Variants in DENND1B observed in about 807,000 individuals in gnomAD.
DENND1B encodes the protein DENN domain containing 1B, also known as DENN domain-containing protein 1B.
In DENND1B, 59 loss-of-function variants were observed where a neutral mutation model predicts 90.1. The ratio of observed to expected loss-of-function variants is 0.65; its 90% CI spans 0.53 to 0.81. DENND1B has a LOEUF of 0.81. DENND1B is among the 40% of genes least tolerant of loss of function. The pLI, the probability that DENND1B is intolerant of heterozygous loss-of-function variation, is 0.00. For synonymous variants in DENND1B, 337 were observed against 324.6 expected, an observed-to-expected ratio of 1.04 and a Z score of -0.41; for missense variants, 862 against 912.6, an observed-to-expected ratio of 0.94 and a Z score of 0.71.
At chr1:197,546,960 A>G (rs1383286463) in intron 16 of DENND1B, among the ~76,000 whole-genome samples, 187 bp from the exon 17 acceptor site, 2 of 152,230 alleles carry the variant, frequency 1.3e-5, no homozygotes, top group East Asian at 1.9e-4. Flanking sequence ...AATTTAGTCA[A>G]TAAGATGATA....
At chr1:197,545,404 C>CAA (rs35127449) in intron 18 of DENND1B, among the ~76,000 whole-genome samples, 2 of 135,966 alleles carry the variant, frequency 1.5e-5, no homozygotes, top group Non-Finnish European at 3.2e-5. Context: ...GACTTCGTCT[C>CAA]AAAAAAAAAA....
intron 2 of DENND1B, among the ~76,000 whole-genome samples, chr1:197,760,661 T>A (rs953021070): frequency 1.1e-4 from 16 of 146,452 alleles, no homozygotes; most frequent in Non-Finnish European, 1.8e-4. Context: ...AAAAAAAAAA[T>A]TACCCACAGA....
At chr1:197,655,611 A>C (rs1653729739) in intron 6 of DENND1B, among the ~76,000 whole-genome samples, 1 of 151,200 alleles carries the variant, frequency 6.6e-6, no homozygotes, top group African/African-American at 2.4e-5. Flanking sequence ...CGCTCACTGC[A>C]AGCTCCGCCT....
rs1415683612 is a variant in DENND1B, at chr1:197,570,426, C to T, written c.1149+12726G>A. ...CAATAACAATATAGTTATCCAAGGC[C>T]CACCAGAGACTTTCGAAATAAATTT... On this transcript the variant is annotated intron_variant, in intron 15 of 22. Coordinates refer to ENST00000620048, the MANE Select transcript of DENND1B (RefSeq NM_001195215.2). Among the ~76,000 whole-genome samples, 4 of 152,012 alleles carry T rather than the reference C, an allele frequency of 2.6e-5. 1 individual carries two copies. The highest frequency in any genetic ancestry group is 6.6e-5 in the Admixed American group (1 of 15,264).
chr1:197,539,830 C>T, intron 20 of DENND1B, 134 bp downstream of exon 20: 1 of 684,142 alleles, frequency 1.5e-6, no homozygotes, highest in Non-Finnish European at 2.5e-6. Context: ...GTTCCACTAA[C>T]TCCTCCCCTT....
rs74349820 is a variant in DENND1B at position 197,750,612 on chromosome 1, A to AG, written c.82+22255_82+22256insC. 4.0e-5 allele frequency among the ~76,000 whole-genome samples: 6 copies of AG among 151,798 alleles called. No homozygotes were observed. The East Asian group carries it at 5.8e-4, about 15-fold the overall frequency. Reference sequence around the variant, plus strand: ...TAGATAGATAGATAGATAGATAGATAAAGATATAGACATAGTTTAGACATA... The same window carrying AG: ...TAGATAGATAGATAGATAGATAGATAGAAGATATAGACATAGTTTAGACATA... On this transcript the variant is annotated intron_variant, in intron 2 of 22. Coordinates refer to ENST00000620048, the MANE Select transcript of DENND1B (RefSeq NM_001195215.2).
chr1:197,646,145 G>A (rs955162345), intron 8 of DENND1B, among the ~76,000 whole-genome samples: 10 of 151,766 alleles, frequency 6.6e-5, no homozygotes, highest in African/African-American at 2.4e-4. Context: ...ACATTTAGTT[G>A]AGGTGGACTG....
chr1:197,599,241 G>C lies in DENND1B; in HGVS notation c.922-3908C>G, dbSNP rs192923474. On this transcript the variant is annotated intron_variant, in intron 13 of 22. Coordinates refer to ENST00000620048, the MANE Select transcript of DENND1B (RefSeq NM_001195215.2). Reference sequence around the variant, plus strand: ...AAGCCAGGAAGGCAGAGCATAAAAGGGGGTTGAGTTTTTCTGAGAAGTAAC... The same window carrying C: ...AAGCCAGGAAGGCAGAGCATAAAAGCGGGTTGAGTTTTTCTGAGAAGTAAC... Among the ~76,000 whole-genome samples, 107 of 151,850 alleles carry C rather than the reference G, an allele frequency of 7.0e-4. 1 individual carries two copies. In the East Asian group the frequency reaches 0.01, roughly 15 times the overall value.
chr1:197,633,195 C>T (rs571095046), intron 10 of DENND1B, among the ~76,000 whole-genome samples: 1 of 152,142 alleles, frequency 6.6e-6, no homozygotes, highest in South Asian at 2.1e-4. Context: ...GTGAGAATGT[C>T]TACATTTGTA....
intron 15 of DENND1B, among the ~76,000 whole-genome samples, chr1:197,576,291 T>C (rs1395067017): frequency 6.6e-6 from 1 of 152,018 alleles, no homozygotes; most frequent in Non-Finnish European, 1.5e-5. Context: ...TACATTAGAA[T>C]AGGAAATTGG....
chr1:197,510,824 C>A lies in DENND1B; in HGVS notation c.1964G>T (p.Gly655Val), dbSNP rs1253926417. The change falls in exon 23 of 23, where the codon GGT (glycine) becomes GTT (valine). Residue 655 changes from glycine to valine, a missense_variant. Physicochemically the swap from Gly to Val is moderately radical, Grantham distance 109. Transcript: ENST00000620048. ...CAGGATAAACAGAGAATCTGTCAAA[C>A]CACTAGAGGAAACCCGCTTCCTAGG... Reference protein sequence around the residue: ...PSPRKRVSSSGLTDSLFILKE... With the variant: ...PSPRKRVSSSVLTDSLFILKE... 2.0e-5 allele frequency: 33 copies of A among 1,612,218 alleles called. No homozygotes were observed. The East Asian group carries it at 7.1e-4, about 35-fold the overall frequency.
At chr1:197,644,121 G>C (rs79878022) in intron 9 of DENND1B, among the ~76,000 whole-genome samples, 1 of 152,100 alleles carries the variant, frequency 6.6e-6, no homozygotes, top group Non-Finnish European at 1.5e-5. Flanking sequence ...GGTTTATTTC[G>C]TGCTTTCTCA....
chr1:197,556,555 C>T (rs886636692), intron 15 of DENND1B, among the ~76,000 whole-genome samples: 1 of 151,820 alleles, frequency 6.6e-6, no homozygotes, highest in Non-Finnish European at 1.5e-5. Context: ...CATACATTAC[C>T]CATTTTCACA....
chr1:197,507,627 C>G lies in DENND1B; in HGVS notation c.*2833G>C, dbSNP rs1223763874. 1 of 151,554 alleles carries G rather than the reference C, an allele frequency of 6.6e-6. No individual in the cohort carries two copies. The highest frequency in any genetic ancestry group is 6.6e-5 in the Admixed American group (1 of 15,172). The allele number at this position is 151,554 out of a possible 1,614,324, so 9.4% of individuals were successfully genotyped here. On this transcript the variant is annotated 3_prime_UTR_variant, in exon 23 of 23. Transcript: ENST00000620048. ...AAAAGTCTTTTTAGTTTATACAATT[C>G]TGTTGTATAACAGGTGTTGCTTCTT... is the stretch of plus-strand genomic sequence containing the variant.
At chr1:197,733,487 T>A (rs187589241) in intron 2 of DENND1B, among the ~76,000 whole-genome samples, 5 of 152,294 alleles carry the variant, frequency 3.3e-5, no homozygotes, top group Non-Finnish European at 2.9e-5. Flanking sequence ...GGAAAGTTTT[T>A]TTTCCTCTCT....
intron 5 of DENND1B, among the ~76,000 whole-genome samples, chr1:197,659,398 T>A (rs1654179573): frequency 6.6e-6 from 1 of 151,944 alleles, no homozygotes; most frequent in Non-Finnish European, 1.5e-5. Context: ...TTAGGTAAAC[T>A]ACAGTATCTT....
At chr1:197,600,640 C>A (rs1451240747) in intron 13 of DENND1B, among the ~76,000 whole-genome samples, 1 of 151,746 alleles carries the variant, frequency 6.6e-6, no homozygotes, top group Non-Finnish European at 1.5e-5. Context: ...TCAGGTATTT[C>A]TGTTATAGCA....
intron 16 of DENND1B, 25 bp from the exon 17 acceptor site, chr1:197,546,798 C>T: frequency 1.3e-6 from 2 of 1,532,498 alleles, no homozygotes; most frequent in Non-Finnish European, 8.8e-7. Flanking sequence ...AATGAGATGC[C>T]AGGAATGGTT....
chr1:197,614,812 A>G (rs187498018), intron 11 of DENND1B, among the ~76,000 whole-genome samples: 1 of 151,088 alleles, frequency 6.6e-6, no homozygotes, highest in South Asian at 2.1e-4. Flanking sequence ...AAGAAGAGTC[A>G]TATAGCCTAA....
Sources: gnomAD v4.1 joint callset for allele counts (sites outside exome capture counted in the v4.1 genomes callset) on GRCh38, gnomAD v4.1.1 for gene constraint, MANE v1.5 for transcripts, NCBI Gene and HGNC (gene_info 2026-07-23, HGNC 2026-07-21) for gene names.